The following MAGI1 variants were observed in gnomAD, a reference collection of about 807,000 sequenced individuals.
MAGI1 encodes membrane associated guanylate kinase, WW and PDZ domain containing 1.
MAGI1 carries 58 observed loss-of-function variants against 139.9 expected under a neutral mutation model. That is an observed-to-expected ratio of 0.41 (90% CI 0.34 to 0.52). The LOEUF (loss-of-function observed/expected upper bound fraction) is 0.52. Among genes scored for constraint, MAGI1 ranks in the 20% least tolerant of loss-of-function variants. MAGI1 has a pLI of 0.12. For missense variants in MAGI1, 1,874 were observed against 1,901.6 expected, an observed-to-expected ratio of 0.99 and a Z score of 0.27; for synonymous variants, 812 against 737.9, an observed-to-expected ratio of 1.10 and a Z score of -1.63.
At chr3:65,973,228 C>T (rs779405459) in intron 1 of MAGI1, among the ~76,000 whole-genome samples, 1 of 151,896 alleles carries the variant, frequency 6.6e-6, no homozygotes, top group Non-Finnish European at 1.5e-5. Flanking sequence ...AACAGGTGCC[C>T]CCTATTCTCA....
rs952549656 is a variant in MAGI1 at position 65,811,793 on chromosome 3, G to A, written c.314-189705C>T. On this transcript the variant is annotated intron_variant, in intron 1 of 22. Transcript: ENST00000402939. ...CAGTCCATTCTTGCCCAAGTGGCAT[G>A]AGCTAACCCTGTAGCTTTATTATAA... Among the ~76,000 whole-genome samples, 3 of 151,834 alleles carry A rather than the reference G, an allele frequency of 2.0e-5. No individual in the cohort carries two copies. In the South Asian group the frequency reaches 6.2e-4, roughly 32 times the overall value.
Position 65,356,552 on chromosome 3 carries a change from G to C in MAGI1, c.4215C>G (p.Arg1405=), listed in dbSNP as rs754051443. 30 of 1,607,696 alleles carry C rather than the reference G, an allele frequency of 1.9e-5. No individual in the cohort carries two copies. The highest frequency in any genetic ancestry group is 2.2e-5 in the Non-Finnish European group (26 of 1,179,304). Residue 1405 remains arginine, a synonymous_variant, in exon 23 of 23, where the codon CGC becomes CGG. Transcript: ENST00000402939. ...ACCGCTCTCTCCTGCGCTCGGGGGA[G>C]CGTGCGCGCCTCCGGTCGGTGGACT... ...RAKSTDRRRA[R]SPERRRERSL...
At chr3:65,785,920 C>T (rs913506411) in intron 1 of MAGI1, among the ~76,000 whole-genome samples, 32 of 151,912 alleles carry the variant, frequency 2.1e-4, no homozygotes, top group Non-Finnish European at 4.1e-4. Flanking sequence ...CCCCCTTATT[C>T]CTGCTGTCAT....
At chr3:65,433,563 C>T (rs2107362924) in intron 10 of MAGI1, among the ~76,000 whole-genome samples, 1 of 152,276 alleles carries the variant, frequency 6.6e-6, no homozygotes, top group Non-Finnish European at 1.5e-5. Context: ...TTGGAGCTCT[C>T]AGCTGCAGCC....
intron 1 of MAGI1, among the ~76,000 whole-genome samples, chr3:66,022,715 C>T (rs1280601546): frequency 3.9e-5 from 6 of 152,178 alleles, no homozygotes; most frequent in African/African-American, 1.4e-4. Context: ...GTCTCTGTTA[C>T]CTATTGCCAT....
intron 1 of MAGI1, among the ~76,000 whole-genome samples, chr3:66,015,938 G>A (rs1164508353): frequency 6.6e-6 from 1 of 152,078 alleles, no homozygotes; most frequent in East Asian, 1.9e-4. Flanking sequence ...GAAATCGAAA[G>A]GAAATAACAT....
intron 1 of MAGI1, among the ~76,000 whole-genome samples, chr3:65,627,978 T>G (rs2084076366): frequency 6.6e-6 from 1 of 152,196 alleles, no homozygotes; most frequent in Non-Finnish European, 1.5e-5. Flanking sequence ...AAACCACAAT[T>G]TATTTATCCT....
intron 1 of MAGI1, among the ~76,000 whole-genome samples, chr3:65,694,690 T>C (rs1357802967): frequency 6.6e-6 from 1 of 152,230 alleles, no homozygotes; most frequent in Non-Finnish European, 1.5e-5. Context: ...TGCCCAGGTA[T>C]TTCCACCTAA....
chr3:65,372,096 T>C (rs1032825257), intron 18 of MAGI1, among the ~76,000 whole-genome samples: 2 of 152,180 alleles, frequency 1.3e-5, no homozygotes, highest in Admixed American at 6.5e-5. Context: ...TCCAAATCTT[T>C]CCAAATGGAT....
chr3:66,011,468 A>C (rs1250519598), intron 1 of MAGI1, among the ~76,000 whole-genome samples: 2 of 152,180 alleles, frequency 1.3e-5, no homozygotes, highest in Non-Finnish European at 2.9e-5. Context: ...GCCCACATGC[A>C]GTGAACACTA....
intron 1 of MAGI1, among the ~76,000 whole-genome samples, chr3:65,666,911 C>T (rs7628334): frequency 0.3 from 44,977 of 151,990 alleles, 8,274 homozygotes; most frequent in East Asian, 0.58. Context: ...ATGAGCGCTG[C>T]GCTTCAATAC....
intron 1 of MAGI1, among the ~76,000 whole-genome samples, chr3:65,638,753 T>G (rs2084800197): frequency 6.6e-6 from 1 of 151,900 alleles, no homozygotes. Flanking sequence ...ACTACAGGCA[T>G]GTGCCACTGC....
At position 65,860,846 on chromosome 3, in the gene MAGI1, G is replaced by C. The variant is rs1379284190; in HGVS notation, c.313+177150C>G. Among the ~76,000 whole-genome samples the C allele has an allele frequency of 2.0e-5, 3 of 152,130 alleles. No individual in the cohort carries two copies. In the East Asian group the frequency reaches 5.8e-4, roughly 29 times the overall value. ...AATACATTTGTCAAGCCATTTCAAAGTAACAAACAATAATCATTATTTTAC... is the reference window on the plus strand; with the variant it reads ...AATACATTTGTCAAGCCATTTCAAACTAACAAACAATAATCATTATTTTAC... On this transcript the variant is annotated intron_variant, in intron 1 of 22. Transcript: ENST00000402939.
intron 1 of MAGI1, among the ~76,000 whole-genome samples, chr3:65,809,409 A>G (rs144361110): frequency 1.6e-4 from 25 of 152,346 alleles, no homozygotes; most frequent in South Asian, 2.1e-4. Context: ...CAGTTCTCCA[A>G]CGTCATCCAT....
chr3:65,832,045 T>C (rs894523432), intron 1 of MAGI1, among the ~76,000 whole-genome samples: 2 of 152,206 alleles, frequency 1.3e-5, no homozygotes, highest in African/African-American at 4.8e-5. Context: ...TTTGCTGTCA[T>C]CATTCAAGAG....
chr3:65,613,737 A>C (rs570918697), intron 2 of MAGI1, among the ~76,000 whole-genome samples: 4 of 152,324 alleles, frequency 2.6e-5, no homozygotes, highest in Admixed American at 2.6e-4. Context: ...TATTGGCTAA[A>C]TCATCCAATT....
At chr3:65,553,543 C>A (rs2079949449) in intron 2 of MAGI1, among the ~76,000 whole-genome samples, 1 of 152,144 alleles carries the variant, frequency 6.6e-6, no homozygotes, top group African/African-American at 2.4e-5. Flanking sequence ...TGATGAGATA[C>A]CTGTGCCTGA....
chr3:65,789,014 C>T (rs988620118), intron 1 of MAGI1, among the ~76,000 whole-genome samples: 5 of 151,688 alleles, frequency 3.3e-5, no homozygotes, highest in African/African-American at 9.7e-5. Flanking sequence ...CCCATCTCTA[C>T]AAAAAAAATG....
intron 1 of MAGI1, among the ~76,000 whole-genome samples, chr3:65,850,942 A>G (rs1455528925): frequency 6.6e-6 from 1 of 152,094 alleles, no homozygotes; most frequent in Non-Finnish European, 1.5e-5. Flanking sequence ...CCCTGTCTCT[A>G]CTTAAAATAC....
Sources: gnomAD v4.1 joint callset for allele counts (sites outside exome capture counted in the v4.1 genomes callset) on GRCh38, gnomAD v4.1.1 for gene constraint, MANE v1.5 for transcripts, NCBI Gene and HGNC (gene_info 2026-07-23, HGNC 2026-07-21) for gene names.